The following POLD1 variants were observed in gnomAD, a reference collection of about 807,000 sequenced individuals.
POLD1 encodes the protein DNA polymerase delta 1, catalytic subunit.
A neutral mutation model predicts 129.7 loss-of-function variants in POLD1; 79 were observed. The ratio of observed to expected loss-of-function variants is 0.61; its 90% CI spans 0.51 to 0.73. POLD1 has a LOEUF of 0.73. Among genes scored for constraint, POLD1 ranks in the 30% least tolerant of loss-of-function variants. The pLI is 0.00. For missense variants in POLD1, 1,338 were observed against 1,595.8 expected, an observed-to-expected ratio of 0.84 and a Z score of 2.75; for synonymous variants, 714 against 683.3, an observed-to-expected ratio of 1.04 and a Z score of -0.70.
chr19:50,399,165 A>T, intron 2 of POLD1, 112 bp downstream of exon 2: 2 of 1,489,986 alleles, frequency 1.3e-6, no homozygotes, highest in South Asian at 2.4e-5. Flanking sequence ...GCCAATTTTG[A>T]ATCCTACAAA....
chr19:50,416,197 T>G, intron 22 of POLD1, 199 bp from the exon 23 acceptor site: 1 of 604,824 alleles, frequency 1.7e-6, no homozygotes, highest in Non-Finnish European at 2.9e-6. Context: ...ACTCTGACCC[T>G]TCCGTGGTGA....
chr19:50,392,826 G>T (rs2546549), intron 1 of POLD1, among the ~76,000 whole-genome samples: 10,906 of 152,268 alleles, frequency 0.072, 1,300 homozygotes, highest in African/African-American at 0.24. Flanking sequence ...CTTAGACATT[G>T]TTTTTCAACA....
At chr19:50,415,675 C>CCCCGCCACCCACCTGCCCTCACCCA in intron 21 of POLD1, 49 bp from the exon 22 acceptor site, 1 of 1,453,272 alleles carries the variant, frequency 6.9e-7, no homozygotes, top group Non-Finnish European at 9.3e-7. Flanking sequence ...TCGCCCCCAC[C>CCCCGCCACCCACCTGCCCTCACCCA]CCCGCCACCC....
In POLD1 at chr19:50,403,041, C is replaced by A; in HGVS notation, c.971-12C>A. The A allele has an allele frequency of 6.4e-7, 1 of 1,554,056 alleles. No individual in the cohort carries two copies. The highest frequency in any genetic ancestry group is 8.7e-7 in the Non-Finnish European group (1 of 1,148,430). ...GGCAGGAGTCAGGCCCCTGCATCCT[C>A]CTGCCTCGCAGGCATCTTCCCTGAG... On this transcript the variant is annotated splice_polypyrimidine_tract_variant and intron_variant, in intron 8 of 26. Coordinates refer to ENST00000440232, the MANE Select transcript of POLD1 (RefSeq NM_002691.4).
rs1472421133 is a variant in POLD1, at chr19:50,417,899, G to C, written c.3276G>C (p.Gln1092His). ...RKKVRKDLED[Q>H]EQLLRRFGPP... ...AGGTGCGGAAGGACCTGGAAGACCAGGAGCAGCTCCTGCGGCGCTTCGGAC... is the reference window on the plus strand; with the variant it reads ...AGGTGCGGAAGGACCTGGAAGACCACGAGCAGCTCCTGCGGCGCTTCGGAC... The change falls in exon 27 of 27, where the codon CAG becomes CAC. Residue 1092 changes from glutamine (Q) to histidine (H), a missense_variant. By Grantham distance (24) the Gln-to-His change is conservative (BLOSUM62 0). Coordinates refer to ENST00000440232, the MANE Select transcript of POLD1 (RefSeq NM_002691.4). 6.2e-7 allele frequency: 1 copy of C among 1,611,970 alleles called. No homozygotes were observed. The highest frequency in any genetic ancestry group is 8.5e-7 in the Non-Finnish European group (1 of 1,179,302).
intron 1 of POLD1, 148 bp downstream of exon 1, chr19:50,384,538 T>A (rs1166150722): frequency 1.1e-5 from 1 of 94,306 alleles, no homozygotes; most frequent in Admixed American, 1.3e-4. Context: ...AGGGGTTTCC[T>A]GGGCGAGGGC....
intron 9 of POLD1, 84 bp from the exon 10 acceptor site, chr19:50,403,409 G>A: frequency 8.1e-7 from 1 of 1,229,902 alleles, no homozygotes; most frequent in Non-Finnish European, 1.2e-6. Context: ...TTTCAGGGGT[G>A]GCTGGGGTTC....
At chr19:50,412,768 G>A (rs1410814666) in intron 17 of POLD1, among the ~76,000 whole-genome samples, 1 of 151,776 alleles carries the variant, frequency 6.6e-6, no homozygotes. Flanking sequence ...TTAGTTTTGT[G>A]TGTGTGTGTG....
At chr19:50,416,842 G>C (rs2039316297) in intron 24 of POLD1, 119 bp downstream of exon 24, 1 of 964,330 alleles carries the variant, frequency 1.0e-6, no homozygotes, top group African/African-American at 1.6e-5. Flanking sequence ...GGGCCCCTGG[G>C]TGGGTGGCCC....
chr19:50,406,629 C>A lies in POLD1; in HGVS notation c.1494+112C>A. On this transcript the variant is annotated intron_variant, in intron 12 of 26. Transcript: ENST00000440232. This position sits in a 1 kb window ranked among gnomAD's most constrained non-coding sequence, Gnocchi z 5.5. ...ACGTCTGACCTCACTCTTTGACCTG[C>A]TGTTATGACCTGTGACCTTACCTGA... 1.3e-6 allele frequency: 1 copy of A among 778,048 alleles called. No individual in the cohort carries two copies. The highest frequency in any genetic ancestry group is 2.2e-6 in the Non-Finnish European group (1 of 462,690). 48.2% of individuals were successfully genotyped at this position (778,048 alleles called of 1,614,324 possible).
At chr19:50,408,931 C>G (rs991834576) in intron 15 of POLD1, 30 bp downstream of exon 15, 9 of 1,584,752 alleles carry the variant, frequency 5.7e-6, no homozygotes, top group Non-Finnish European at 7.7e-6. Context: ...ATGTGTCCCC[C>G]GAGGCCCATC....
rs911910303 is a variant in POLD1, at chr19:50,401,708, C to A, written c.317-70C>A. On this transcript the variant is annotated intron_variant, in intron 3 of 26. Transcript: ENST00000440232. ...CCAGGCTGCAGGCCCCAAGGTATTTCGAGGCTGTGGAGACACACCTTGGAG... is the reference window on the plus strand; with the variant it reads ...CCAGGCTGCAGGCCCCAAGGTATTTAGAGGCTGTGGAGACACACCTTGGAG... 1.9e-6 allele frequency: 3 copies of A among 1,551,694 alleles called. No homozygotes were observed. The Admixed American group carries it at 5.0e-5, about 26-fold the overall frequency.
At position 50,394,606 on chromosome 19, in the gene POLD1, G is replaced by C. The variant is rs537424227; in HGVS notation, c.-1-4245G>C. 2.5e-4 allele frequency among the ~76,000 whole-genome samples: 38 copies of C among 152,036 alleles called. No individual in the cohort carries two copies. In the East Asian group the frequency reaches 7.4e-3, roughly 30 times the overall value. On this transcript the variant is annotated intron_variant, in intron 1 of 26. Transcript: ENST00000440232. The stretch of plus-strand genomic sequence containing the variant: ...GGAGGCGAAGGTTGCAGTGAGCCGA[G>C]ATCAGCCACTGCATTCCAGCCTGTG...
In POLD1 at chr19:50,416,662, C is replaced by A; in HGVS notation, c.3006C>A (p.Leu1002=). 6.4e-7 allele frequency: 1 copy of A among 1,562,304 alleles called. No individual in the cohort carries two copies. The highest frequency in any genetic ancestry group is 8.6e-7 in the Non-Finnish European group (1 of 1,158,514). Residue 1002 remains leucine (L), a synonymous_variant, in exon 24 of 27, where the codon CTC becomes CTA. Transcript: ENST00000440232. ...TGCTCACGGGCAAGGTGGGCGGCCTCCTGGCCTTCGCCAAACGCCGCAACT... is the reference window on the plus strand; with the variant it reads ...TGCTCACGGGCAAGGTGGGCGGCCTACTGGCCTTCGCCAAACGCCGCAACT... ...KTVLTGKVGG[L]LAFAKRRNCC... is the part of the protein sequence containing the mutation.
At chr19:50,396,673 G>A (rs1318436520) in intron 1 of POLD1, among the ~76,000 whole-genome samples, 3 of 151,222 alleles carry the variant, frequency 2.0e-5, no homozygotes, top group African/African-American at 4.9e-5. Context: ...GTAGAGACGG[G>A]GTTTCACCAT....
At chr19:50,405,656 G>A (rs1000199387) in intron 10 of POLD1, among the ~76,000 whole-genome samples, 12 of 152,096 alleles carry the variant, frequency 7.9e-5, no homozygotes, top group Non-Finnish European at 1.8e-4. Flanking sequence ...GCTGATGCCC[G>A]GGCCATGGTA....
rs369159202 is a variant in POLD1 at position 50,398,878 on chromosome 19, A to G, written c.27A>G (p.Pro9=). Residue 9 remains proline (P), a synonymous_variant, in exon 2 of 27, where the codon CCA becomes CCG. Coordinates refer to ENST00000440232, the MANE Select transcript of POLD1 (RefSeq NM_002691.4). MDGKRRPG[P]GPGVPPKRAR... is the part of the protein sequence containing the mutation. Reference sequence around the variant, plus strand: ...TGGATGGCAAGCGGCGGCCAGGCCCAGGGCCCGGGGTGCCCCCAAAGCGGG... The same window carrying G: ...TGGATGGCAAGCGGCGGCCAGGCCCGGGGCCCGGGGTGCCCCCAAAGCGGG... 1.2e-6 allele frequency: 2 copies of G among 1,607,848 alleles called. No individual in the cohort carries two copies. Among genetic ancestry groups the G allele is most frequent in the African/African-American group, 1.3e-5 (1 of 74,840 alleles).
intron 1 of POLD1, among the ~76,000 whole-genome samples, chr19:50,395,463 A>G (rs1452164742): frequency 1.3e-5 from 2 of 152,070 alleles, no homozygotes; most frequent in Non-Finnish European, 2.9e-5. Flanking sequence ...GGACGCCTGT[A>G]GTCCCAGCTA....
At chr19:50,386,028 C>G (rs1269905412) in intron 1 of POLD1, among the ~76,000 whole-genome samples, 2 of 152,168 alleles carry the variant, frequency 1.3e-5, no homozygotes, top group East Asian at 3.8e-4. Flanking sequence ...CCAGAGTGCG[C>G]TGAGCTATGG....
Sources: gnomAD v4.1 joint callset for allele counts (sites outside exome capture counted in the v4.1 genomes callset) on GRCh38, gnomAD v4.1.1 for gene constraint, Gnocchi (gnomAD v3.1) non-coding constraint, MANE v1.5 for transcripts, NCBI Gene and HGNC (gene_info 2026-07-23, HGNC 2026-07-21) for gene names.